The following ZBTB16 variants were observed in gnomAD, a reference collection of about 807,000 sequenced individuals.
ZBTB16 encodes the protein zinc finger and BTB domain-containing protein 16.
Under a neutral mutation model 56.8 loss-of-function variants are expected in ZBTB16, and 8 were observed. The observed-to-expected ratio is 0.14, with a 90% CI of 0.08 to 0.25. ZBTB16 has a LOEUF of 0.25. Ranked by LOEUF, ZBTB16 falls within the 10% of genes least tolerant of loss-of-function variation. The pLI, the probability that ZBTB16 is intolerant of heterozygous loss-of-function variation, is 1.00. For missense variants in ZBTB16, 625 were observed against 903.0 expected (o/e 0.69, Z 3.95); for synonymous variants, 363 against 368.5 (o/e 0.98, Z 0.17).
At chr11:114,137,437 C>T (rs990525990) in intron 2 of ZBTB16, among the ~76,000 whole-genome samples, 2 of 152,144 alleles carry the variant, frequency 1.3e-5, no homozygotes, top group African/African-American at 2.4e-5. Flanking sequence ...TGGCACTTCC[C>T]GTGTCTCAGC....
At chr11:114,105,577 TTGG>T (rs1940762957) in intron 2 of ZBTB16, among the ~76,000 whole-genome samples, 1 of 152,284 alleles carries the variant, frequency 6.6e-6, no homozygotes, top group East Asian at 1.9e-4. Flanking sequence ...GGGCTGCTTT[TTGG>T]TGGAGGTAAC....
At chr11:114,156,647 G>A (rs586486) in intron 3 of ZBTB16, among the ~76,000 whole-genome samples, 1 of 152,018 alleles carries the variant, frequency 6.6e-6, no homozygotes, top group South Asian at 2.1e-4. Flanking sequence ...TCAAGCTCTC[G>A]TGGGTTTCCC....
chr11:114,171,806 T>C (rs1414258348), intron 3 of ZBTB16, among the ~76,000 whole-genome samples: 1 of 152,244 alleles, frequency 6.6e-6, no homozygotes, highest in Non-Finnish European at 1.5e-5. Flanking sequence ...CCTTCCTCCA[T>C]CTCAACATTA....
intron 2 of ZBTB16, among the ~76,000 whole-genome samples, chr11:114,095,245 C>CTTTTTTTTTTTTT (rs745895999): frequency 3.3e-5 from 3 of 90,482 alleles, no homozygotes; most frequent in African/African-American, 1.9e-4. Flanking sequence ...CTTTTCTTTT[C>CTTTTTTTTTTTTT]TTTTTTTTTT....
rs986730513 is a variant in ZBTB16 at position 114,256,232 on chromosome 11, A to C, written c.*5677A>C. ...TAGTTAAAAAATGTTAAATACGTTA[A>C]TATCGTATGATCCTTGGTACAATGT... On this transcript the variant is annotated 3_prime_UTR_variant, in exon 7 of 7. Coordinates refer to ENST00000335953, the MANE Select transcript of ZBTB16 (RefSeq NM_006006.6). Among the ~76,000 whole-genome samples, 1 of 152,186 alleles carries C rather than the reference A, an allele frequency of 6.6e-6. No individual in the cohort carries two copies. The highest frequency in any genetic ancestry group is 2.4e-5 in the African/African-American group (1 of 41,446).
At position 114,129,737 on chromosome 11, in the gene ZBTB16, G is replaced by A. The variant is rs189392956; in HGVS notation, c.1269-26600G>A. ...ATTTCACATTTAAACAAGCTGGCAA[G>A]CCGCAATGACGCTGCGCCTCCTACA... On this transcript the variant is annotated intron_variant, in intron 2 of 6. Transcript: ENST00000335953. Among the ~76,000 whole-genome samples, 3 of 152,358 alleles carry A rather than the reference G, an allele frequency of 2.0e-5. No homozygotes were observed. The East Asian group carries it at 5.8e-4, about 29-fold the overall frequency.
chr11:114,077,632 G>T (rs1939618269), intron 2 of ZBTB16, among the ~76,000 whole-genome samples: 1 of 152,188 alleles, frequency 6.6e-6, no homozygotes, highest in Non-Finnish European at 1.5e-5. Flanking sequence ...GGAGAAGGTT[G>T]TGGCCACAGA....
chr11:114,242,199 G>T lies in ZBTB16; in HGVS notation c.1486G>T (p.Gly496Trp). The T allele has an allele frequency of 6.2e-7, 1 of 1,613,784 alleles. No individual in the cohort carries two copies. ...TDMAVFCLLC[G>W]KRFQAQSALQ... Reference sequence around the variant, plus strand: ...CATGGCCGTCTTCTGTCTGCTGTGTGGGAAGCGCTTCCAGGCGCAGAGCGC... The same window carrying T: ...CATGGCCGTCTTCTGTCTGCTGTGTTGGAAGCGCTTCCAGGCGCAGAGCGC... The change falls in exon 5 of 7, where the codon GGG becomes TGG. Residue 496 changes from glycine to tryptophan, a missense_variant. By Grantham distance (184) the Gly-to-Trp change is radical. Around this residue, in one of 6 missense-constraint regions of ZBTB16, gnomAD observed 140 missense variants for 214.8 expected, o/e 0.65. Coordinates refer to ENST00000335953, the MANE Select transcript of ZBTB16 (RefSeq NM_006006.6).
intron 2 of ZBTB16, among the ~76,000 whole-genome samples, chr11:114,124,557 C>CAA (rs1381254014): frequency 4.9e-5 from 2 of 41,052 alleles, no homozygotes; most frequent in Non-Finnish European, 9.9e-5. Context: ...AAAAAAAAAC[C>CAA]AAAAAAAAAA....
At chr11:114,119,492 T>C (rs182058795) in intron 2 of ZBTB16, among the ~76,000 whole-genome samples, 1 of 152,116 alleles carries the variant, frequency 6.6e-6, no homozygotes, top group Admixed American at 6.5e-5. Context: ...TCGACTGCTA[T>C]TCTCAATGAG....
At chr11:114,232,882 G>A (rs1424257530) in intron 4 of ZBTB16, among the ~76,000 whole-genome samples, 2 of 152,136 alleles carry the variant, frequency 1.3e-5, no homozygotes, top group East Asian at 1.9e-4. Context: ...ACGGGCAGGC[G>A]TCCTGCGGGC....
rs66489516 is a variant in ZBTB16 at position 114,207,590 on chromosome 11, AACACACACAC to A, written c.1453+20580_1453+20589del. Among the ~76,000 whole-genome samples, 1,356 of 143,718 alleles carry A rather than the reference AACACACACAC, an allele frequency of 9.4e-3. 21 individuals are homozygous for A. Among genetic ancestry groups the A allele is most frequent in the African/African-American group, 0.03 (1,175 of 38,630 alleles). The allele number at this position is 143,718 out of a possible 152,430, so 94.3% of individuals were successfully genotyped here. ...TCTTGTTTGCCTGATACACACACAC[AACACACACAC>A]ACACACACACACACACACACACACA... On this transcript the variant is annotated intron_variant, in intron 4 of 6. Coordinates refer to ENST00000335953, the MANE Select transcript of ZBTB16 (RefSeq NM_006006.6).
intron 4 of ZBTB16, among the ~76,000 whole-genome samples, chr11:114,222,507 G>A (rs1484740880): frequency 3.9e-5 from 6 of 152,094 alleles, no homozygotes; most frequent in African/African-American, 7.2e-5. Context: ...TCCTTTGTCC[G>A]GGAGCTGGTA....
chr11:114,134,374 G>T (rs2005664), intron 2 of ZBTB16, among the ~76,000 whole-genome samples: 2 of 151,632 alleles, frequency 1.3e-5, no homozygotes, highest in African/African-American at 2.4e-5. Flanking sequence ...TTTTTCTTTT[G>T]TACTTTTTGG....
chr11:114,241,482 C>T (rs1176072282), intron 4 of ZBTB16, among the ~76,000 whole-genome samples: 1 of 152,182 alleles, frequency 6.6e-6, no homozygotes, highest in Middle Eastern at 3.2e-3. Flanking sequence ...GGGAACTGTG[C>T]ATTCAAGGGA....
intron 3 of ZBTB16, among the ~76,000 whole-genome samples, chr11:114,181,244 C>T (rs1943241526): frequency 6.6e-6 from 1 of 152,232 alleles, no homozygotes. Context: ...CTGCGACTTA[C>T]TGGTTCTGTA....
chr11:114,197,028 A>T (rs1943626491), intron 4 of ZBTB16, among the ~76,000 whole-genome samples: 1 of 152,126 alleles, frequency 6.6e-6, no homozygotes, highest in South Asian at 2.1e-4. Flanking sequence ...TGTGCGGATC[A>T]ATGGATCAAA....
At position 114,181,087 on chromosome 11, in the gene ZBTB16, G is replaced by C. The variant is rs556064550; in HGVS notation, c.1367-5865G>C. The C allele has an allele frequency of 2.1e-5, 3 of 140,100 alleles. No individual in the cohort carries two copies. In the East Asian group the frequency reaches 6.6e-4, roughly 31 times the overall value. The allele number at this position is 140,100 out of a possible 1,614,324, so 8.7% of individuals were successfully genotyped here. A position where few individuals can be genotyped will look rare whatever the true frequency, so the allele number is the denominator to read the frequency against. On this transcript the variant is annotated intron_variant, in intron 3 of 6. Coordinates refer to ENST00000335953, the MANE Select transcript of ZBTB16 (RefSeq NM_006006.6). ...TTCATGTATGTGCACGTGTGGTACT[G>C]TGTGTCTTTATGAATGTGAGACTCA...
At chr11:114,102,383 C>T (rs188618154) in intron 2 of ZBTB16, among the ~76,000 whole-genome samples, 4 of 152,106 alleles carry the variant, frequency 2.6e-5, no homozygotes, top group East Asian at 1.9e-4. Context: ...ATGCATAGAC[C>T]GTCTTCTGGA....
Sources: allele counts gnomAD v4.1 joint callset (sites outside exome capture counted in the v4.1 genomes callset), GRCh38; gene constraint gnomAD v4.1.1; regional missense constraint gnomAD v4.1.1; transcripts MANE v1.5; gene names NCBI Gene and HGNC (gene_info 2026-07-23, HGNC 2026-07-21).